Variants in PRDM5 observed in about 807,000 individuals in gnomAD.
PRDM5 encodes the protein PR domain zinc finger protein 5.
In PRDM5, 56 loss-of-function variants were observed where a neutral mutation model predicts 81.2. The observed-to-expected ratio is 0.69, with a 90% CI of 0.56 to 0.86. The LOEUF (loss-of-function observed/expected upper bound fraction) is 0.86, where lower values mean the gene tolerates loss of function less well. Among genes scored for constraint, PRDM5 ranks in the 40% least tolerant of loss-of-function variants. PRDM5 has a pLI of 0.00. For synonymous variants in PRDM5, 267 were observed against 256.4 expected, an observed-to-expected ratio of 1.04 and a Z score of -0.39; for missense variants, 697 against 770.1, an observed-to-expected ratio of 0.91 and a Z score of 1.12.
rs920104991 is a variant in PRDM5 at position 120,828,736 on chromosome 4, G to A, written c.301-7391C>T. Among the ~76,000 whole-genome samples, 34 of 151,952 alleles carry A rather than the reference G, an allele frequency of 2.2e-4. 1 individual carries two copies. Among genetic ancestry groups the A allele is most frequent in the Non-Finnish European group, 7.4e-5 (5 of 67,926 alleles). ...TTTGTGGCCTCAGTCTCAGGCACAG[G>A]AGAAGCTTACATTCCATTACCTAGC... On this transcript the variant is annotated intron_variant, in intron 3 of 15. Transcript: ENST00000264808.
intron 3 of PRDM5, among the ~76,000 whole-genome samples, chr4:120,821,618 T>A (rs914394440): frequency 2.0e-5 from 3 of 152,134 alleles, no homozygotes; most frequent in African/African-American, 4.8e-5. Context: ...CTAACTGGCC[T>A]TATGCAAGCA....
At chr4:120,708,744 G>A (rs1274957495) in intron 15 of PRDM5, among the ~76,000 whole-genome samples, 1 of 152,124 alleles carries the variant, frequency 6.6e-6, no homozygotes, top group East Asian at 1.9e-4. Flanking sequence ...TCTGAGCTAT[G>A]TGTTACAAGT....
At chr4:120,918,188 T>C (rs1724437819) in intron 1 of PRDM5, among the ~76,000 whole-genome samples, 1 of 152,212 alleles carries the variant, frequency 6.6e-6, no homozygotes, top group South Asian at 2.1e-4. Flanking sequence ...AGTTACATAG[T>C]TTAAAAAATG....
intron 1 of PRDM5, among the ~76,000 whole-genome samples, chr4:120,686,633 C>G (rs976965942): frequency 6.6e-6 from 1 of 151,920 alleles, no homozygotes; most frequent in Non-Finnish European, 1.5e-5. Context: ...GTGAAAATGT[C>G]ATTAATTTGG....
At chr4:120,882,123 C>A (rs1418316458) in intron 2 of PRDM5, among the ~76,000 whole-genome samples, 1 of 152,156 alleles carries the variant, frequency 6.6e-6, no homozygotes, top group African/African-American at 2.4e-5. Context: ...TGACAAGCTG[C>A]TAATAAAGTT....
At chr4:120,780,081 T>G (rs1044857522) in intron 12 of PRDM5, among the ~76,000 whole-genome samples, 2 of 151,024 alleles carry the variant, frequency 1.3e-5, no homozygotes. Flanking sequence ...AGATAGATAC[T>G]GAAACAGGAG....
At chr4:120,829,602 T>C (rs564266768) in intron 3 of PRDM5, among the ~76,000 whole-genome samples, 18 of 152,100 alleles carry the variant, frequency 1.2e-4, no homozygotes, top group Non-Finnish European at 1.8e-4. Context: ...CACGGGTAAT[T>C]TGGTATTTCA....
chr4:120,839,842 A>G (rs1295458466), intron 3 of PRDM5, among the ~76,000 whole-genome samples: 2 of 151,682 alleles, frequency 1.3e-5, no homozygotes, highest in Non-Finnish European at 2.9e-5. Context: ...ACCCCCCCAC[A>G]CTCATTGGTG....
In PRDM5 at chr4:120,819,202, G is replaced by A. The variant is rs527904725; in HGVS notation, c.476-675C>T. On this transcript the variant is annotated intron_variant, in intron 4 of 15. Transcript: ENST00000264808. ...CCTTTAGTGCATACATATTTTATGCGCAGTCTAAGAAGAGGTAAATTTGGG... is the reference window on the plus strand; with the variant it reads ...CCTTTAGTGCATACATATTTTATGCACAGTCTAAGAAGAGGTAAATTTGGG... 3.0e-3 allele frequency among the ~76,000 whole-genome samples: 458 copies of A among 152,220 alleles called. 2 individuals carry two copies. The highest frequency in any genetic ancestry group is 0.02 in the Middle Eastern group (6 of 294).
At chr4:120,742,631 TG>T (rs1742228019) in intron 14 of PRDM5, among the ~76,000 whole-genome samples, 2 of 152,040 alleles carry the variant, frequency 1.3e-5, no homozygotes, top group Non-Finnish European at 2.9e-5. Flanking sequence ...ACGTGAAGAA[TG>T]CAAAAGCCTC....
Position 120,696,622 on chromosome 4 carries a change from T to G in PRDM5, c.1729-1347A>C, listed in dbSNP as rs971723583. On this transcript the variant is annotated intron_variant, in intron 15 of 15. Transcript: ENST00000264808. The stretch of plus-strand genomic sequence containing the variant: ...CCTGTAAAATGACAATGTATTTACC[T>G]TGCAGGATTATTAAGATTAAATAAA... 3.9e-5 allele frequency among the ~76,000 whole-genome samples: 6 copies of G among 152,202 alleles called. No homozygotes were observed. The East Asian group carries it at 1.2e-3, about 29-fold the overall frequency.
Position 120,825,491 on chromosome 4 carries a change from T to C in PRDM5, c.301-4146A>G, listed in dbSNP as rs150585269. Among the ~76,000 whole-genome samples, 432 of 152,228 alleles carry C rather than the reference T, an allele frequency of 2.8e-3. 2 individuals carry two copies. The highest frequency in any genetic ancestry group is 1.0e-2 in the African/African-American group (414 of 41,554). ...GGACTCATCCTTGACCCTTCCTCTC[T>C]CACACTCCATATACAATCTATCAGG... On this transcript the variant is annotated intron_variant, in intron 3 of 15. Coordinates refer to ENST00000264808, the MANE Select transcript of PRDM5 (RefSeq NM_018699.4).
At chr4:120,689,906 T>C (rs1733972723), downstream of PRDM5, among the ~76,000 whole-genome samples, 1 of 152,126 alleles carries the variant, frequency 6.6e-6, no homozygotes, top group Non-Finnish European at 1.5e-5. Context: ...TGAGCCACCG[T>C]GTCCAGCCTC....
chr4:120,816,865 G>A lies in PRDM5; in HGVS notation c.710C>T (p.Ser237Phe). Residue 237 changes from serine (S) to phenylalanine (F), a missense_variant, in exon 6 of 16, where the codon TCT (serine) becomes TTT (phenylalanine). Around this residue, in one of 3 missense-constraint regions of PRDM5, gnomAD observed 577 missense variants for 606.7 expected, o/e 0.95. Transcript: ENST00000264808. ...TGAACTGAAGGAAGAATTGCAAACA[G>A]AGCACTGAAAACTTCGCGAAGACTC... Reference protein sequence around the residue: ...LKESSRSFQCSVCNSSFSSAS... With the variant: ...LKESSRSFQCFVCNSSFSSAS... 2 of 1,613,880 alleles carry A rather than the reference G, an allele frequency of 1.2e-6. No individual in the cohort carries two copies. Among genetic ancestry groups the A allele is most frequent in the African/African-American group, 1.3e-5 (1 of 75,038 alleles).
chr4:120,757,921 C>T (rs1307198274), intron 13 of PRDM5, among the ~76,000 whole-genome samples: 1 of 151,732 alleles, frequency 6.6e-6, no homozygotes, highest in Non-Finnish European at 1.5e-5. Flanking sequence ...CCCTTCCTCC[C>T]TCCCTCCATC....
intron 14 of PRDM5, among the ~76,000 whole-genome samples, chr4:120,730,488 C>T (rs1410607058): frequency 2.0e-5 from 3 of 152,260 alleles, no homozygotes; most frequent in African/African-American, 7.2e-5. Flanking sequence ...ACAGATAAGT[C>T]TTTATCCCAA....
intron 13 of PRDM5, among the ~76,000 whole-genome samples, chr4:120,775,575 C>T (rs1213088817): frequency 2.0e-5 from 3 of 152,136 alleles, no homozygotes; most frequent in African/African-American, 7.2e-5. Flanking sequence ...CTATACCAAA[C>T]ATAACACAAT....
Position 120,922,698 on chromosome 4 carries a change from G to A in PRDM5, c.-90C>T. Reference sequence around the variant, plus strand: ...TCGAAATTTGGGGTGCCAGGGTAGAGGGGAGAAACCGGCAGGGAAGGAGGA... The same window carrying A: ...TCGAAATTTGGGGTGCCAGGGTAGAAGGGAGAAACCGGCAGGGAAGGAGGA... On this transcript the variant is annotated 5_prime_UTR_variant, in exon 1 of 16. Transcript: ENST00000264808. 6.6e-7 allele frequency: 1 copy of A among 1,507,840 alleles called. No individual in the cohort carries two copies. Among genetic ancestry groups the A allele is most frequent in the Non-Finnish European group, 9.0e-7 (1 of 1,111,068 alleles). The allele number at this position is 1,507,840 out of a possible 1,614,324, so 93.4% of individuals were successfully genotyped here.
intron 1 of PRDM5, among the ~76,000 whole-genome samples, chr4:120,909,003 A>C (rs1205216283): frequency 1.3e-5 from 2 of 152,186 alleles, no homozygotes; most frequent in Non-Finnish European, 2.9e-5. Flanking sequence ...AGGTAGGAAA[A>C]GCTCCACAAG....
Sources: gnomAD v4.1 joint callset for allele counts (sites outside exome capture counted in the v4.1 genomes callset) on GRCh38, gnomAD v4.1.1 for gene constraint, gnomAD v4.1.1 regional missense constraint, MANE v1.5 for transcripts, NCBI Gene and HGNC (gene_info 2026-07-23, HGNC 2026-07-21) for gene names.